The following KAT6B variants were observed in gnomAD, a reference collection of about 807,000 sequenced individuals.
The protein encoded by KAT6B is lysine acetyltransferase 6B.
In KAT6B, 10 loss-of-function variants were observed where a neutral mutation model predicts 187.5. The ratio of observed to expected loss-of-function variants is 0.05; its 90% CI spans 0.03 to 0.09. The LOEUF (loss-of-function observed/expected upper bound fraction) is 0.09, where lower values mean the gene tolerates loss of function less well. Among genes scored for constraint, KAT6B ranks in the 10% least tolerant of loss-of-function variants. The pLI is 1.00. For synonymous variants in KAT6B, 861 were observed against 926.8 expected, an observed-to-expected ratio of 0.93 and a Z score of 1.29; for missense variants, 1,952 against 2,558.9, an observed-to-expected ratio of 0.76 and a Z score of 5.12.
intron 13 of KAT6B, among the ~76,000 whole-genome samples, chr10:75,014,858 C>A (rs367704202): frequency 3.3e-5 from 5 of 152,230 alleles, no homozygotes; most frequent in African/African-American, 1.2e-4. Context: ...CGAGTCCATT[C>A]TCCAATTATC....
chr10:74,920,667 G>A lies in KAT6B; in HGVS notation c.622-39303G>A, dbSNP rs143014498. Among the ~76,000 whole-genome samples, 1,140 of 152,142 alleles carry A rather than the reference G, an allele frequency of 7.5e-3. 1 individual carries two copies. Among genetic ancestry groups the A allele is most frequent in the Non-Finnish European group, 0.013 (883 of 68,006 alleles). ...GCTATTTCTTTACCCTTCTCATATA[G>A]CATTTAATACAATGATAGGTGGATA... On this transcript the variant is annotated intron_variant, in intron 3 of 17. Coordinates refer to ENST00000287239, the MANE Select transcript of KAT6B (RefSeq NM_012330.4).
chr10:74,945,912 A>G (rs2133347811), intron 3 of KAT6B, among the ~76,000 whole-genome samples: 1 of 152,246 alleles, frequency 6.6e-6, no homozygotes, highest in East Asian at 1.9e-4. Context: ...TTTTCTTATA[A>G]TGTCTTCATC....
chr10:74,966,848 A>G (rs1331391252), intron 4 of KAT6B, among the ~76,000 whole-genome samples: 1 of 152,094 alleles, frequency 6.6e-6, no homozygotes, highest in Non-Finnish European at 1.5e-5. Flanking sequence ...CAACATGGCA[A>G]AACCCCATCT....
chr10:74,929,064 G>A (rs1848689200), intron 3 of KAT6B, among the ~76,000 whole-genome samples: 1 of 152,158 alleles, frequency 6.6e-6, no homozygotes, highest in African/African-American at 2.4e-5. Flanking sequence ...GCTTTGTACT[G>A]GGAAGTGCTA....
At chr10:75,018,932 G>T (rs1407864699) in intron 13 of KAT6B, among the ~76,000 whole-genome samples, 2 of 152,202 alleles carry the variant, frequency 1.3e-5, no homozygotes, top group African/African-American at 2.4e-5. Context: ...ACGTTTCTCA[G>T]CATGTGCCAA....
chr10:74,848,619 ATTC>A (rs1171688201), intron 3 of KAT6B, among the ~76,000 whole-genome samples: 3 of 151,934 alleles, frequency 2.0e-5, no homozygotes, highest in Non-Finnish European at 2.9e-5. Context: ...GCCCTAGACA[ATTC>A]TTCTTCCAGT....
At chr10:74,957,578 G>T (rs1840780684) in intron 3 of KAT6B, among the ~76,000 whole-genome samples, 2 of 152,192 alleles carry the variant, frequency 1.3e-5, no homozygotes, top group Non-Finnish European at 2.9e-5. Context: ...AAAGAAAAAT[G>T]GGTTTGGAGA....
chr10:74,976,271 C>T lies in KAT6B; in HGVS notation c.1934C>T (p.Thr645Ile), dbSNP rs755185628. The change falls in exon 8 of 18, where the codon ACC (threonine) becomes ATC (isoleucine). Residue 645 changes from threonine (T) to isoleucine (I), a missense_variant. By Grantham distance (89) the Thr-to-Ile change is moderately conservative. Coordinates refer to ENST00000287239, the MANE Select transcript of KAT6B (RefSeq NM_012330.4). Reference protein sequence around the residue: ...LKYKVTPQMGTPSPGKGSLTD... With the variant: ...LKYKVTPQMGIPSPGKGSLTD... ...TATAAAGTGACCCCTCAGATGGGGA[C>T]CCCCTCACCAGGGAAGGGGAGCTTG... 1.2e-6 allele frequency: 2 copies of T among 1,613,948 alleles called. No homozygotes were observed. The highest frequency in any genetic ancestry group is 1.7e-5 in the Admixed American group (1 of 60,000).
In KAT6B at chr10:74,990,940, C is replaced by A. The variant is rs553470188; in HGVS notation, c.2629+1828C>A. 2.6e-5 allele frequency among the ~76,000 whole-genome samples: 4 copies of A among 152,296 alleles called. No homozygotes were observed. In the South Asian group the frequency reaches 8.3e-4, roughly 32 times the overall value. The stretch of plus-strand genomic sequence containing the variant: ...TCTCCTTTTTCTCAAATAGTCTGAG[C>A]ATGGTCCTATACCTCTATTTTTTTG... On this transcript the variant is annotated intron_variant, in intron 13 of 17. Transcript: ENST00000287239.
intron 3 of KAT6B, among the ~76,000 whole-genome samples, chr10:74,955,548 G>C (rs1023350437): frequency 1.3e-4 from 19 of 151,708 alleles, no homozygotes; most frequent in African/African-American, 3.4e-4. Context: ...CTCTCTCTCT[G>C]TGCACATTAA....
chr10:74,973,262 C>T (rs558161394), intron 7 of KAT6B, among the ~76,000 whole-genome samples: 2 of 152,286 alleles, frequency 1.3e-5, no homozygotes, highest in South Asian at 2.1e-4. Context: ...TTTTCACTAT[C>T]TTGTTGCTGT....
chr10:74,979,795 G>A (rs1842394682), intron 10 of KAT6B, among the ~76,000 whole-genome samples: 1 of 152,108 alleles, frequency 6.6e-6, no homozygotes, highest in Non-Finnish European at 1.5e-5. Context: ...AGGAAAAATG[G>A]GAGAAAGTAA....
intron 13 of KAT6B, among the ~76,000 whole-genome samples, chr10:74,991,281 T>C (rs371546094): frequency 2.5e-4 from 38 of 152,316 alleles, no homozygotes; most frequent in African/African-American, 8.9e-4. Flanking sequence ...AAACTAAATT[T>C]CCAAATTGAT....
intron 13 of KAT6B, among the ~76,000 whole-genome samples, chr10:75,004,603 A>T (rs950430838): frequency 6.6e-6 from 1 of 152,188 alleles, no homozygotes; most frequent in Admixed American, 6.5e-5. Context: ...CAGTCCTGCA[A>T]TTTCAAATTT....
intron 3 of KAT6B, among the ~76,000 whole-genome samples, chr10:74,893,667 A>G (rs1284784207): frequency 1.3e-5 from 2 of 151,798 alleles, no homozygotes; most frequent in Non-Finnish European, 2.9e-5. Context: ...ATGGGGTTTC[A>G]CCATATTGGC....
chr10:75,024,937 T>C (rs1393197329), intron 16 of KAT6B, 21 bp from the exon 17 acceptor site: 1 of 1,611,912 alleles, frequency 6.2e-7, no homozygotes, highest in South Asian at 1.1e-5. Context: ...TCTTATGTGT[T>C]ATGTTTGGAA....
At chr10:74,846,897 A>G (rs1304858070) in intron 3 of KAT6B, among the ~76,000 whole-genome samples, 1 of 152,228 alleles carries the variant, frequency 6.6e-6, no homozygotes, top group African/African-American at 2.4e-5. Flanking sequence ...GGACTAATTC[A>G]GGTAGCTTTA....
intron 3 of KAT6B, among the ~76,000 whole-genome samples, chr10:74,923,632 G>A (rs570909431): frequency 6.6e-6 from 1 of 152,340 alleles, no homozygotes; most frequent in Non-Finnish European, 1.5e-5. Flanking sequence ...GGAGGGAACA[G>A]CAAGTGCAAA....
intron 3 of KAT6B, among the ~76,000 whole-genome samples, chr10:74,886,444 A>C (rs1259205605): frequency 6.6e-6 from 1 of 152,208 alleles, no homozygotes; most frequent in East Asian, 1.9e-4. Context: ...AGTTTGACTC[A>C]CCAACCAGGA....
Sources: allele counts gnomAD v4.1 joint callset (sites outside exome capture counted in the v4.1 genomes callset), GRCh38; gene constraint gnomAD v4.1.1; transcripts MANE v1.5; gene names NCBI Gene and HGNC (gene_info 2026-07-23, HGNC 2026-07-21).